The following ZNF66 variants were observed in gnomAD, a reference collection of about 807,000 sequenced individuals.
The protein encoded by ZNF66 is putative zinc finger protein 66.
ZNF66 carries 32 observed loss-of-function variants against 35.2 expected under a neutral mutation model. That is an observed-to-expected ratio of 0.91 (90% confidence interval 0.69 to 1.22). ZNF66 has a LOEUF of 1.22. ZNF66 is among the 50% of genes most tolerant of loss of function. The pLI is 0.00. For missense variants in ZNF66, 666 were observed against 543.1 expected (o/e 1.23, Z -2.25); for synonymous variants, 231 against 181.3 (o/e 1.27, Z -2.20).
rs12461983 is a variant in ZNF66, at chr19:20,805,902, G to A, written c.302G>A (p.Arg101Lys). The A allele has an allele frequency of 0.047, 31,147 of 663,820 alleles. 1,374 individuals carry two copies. The highest frequency in any genetic ancestry group is 0.14 in the East Asian group (5,694 of 39,590). The allele number at this position is 663,820 out of a possible 1,614,324, so 41.1% of individuals were successfully genotyped here. The change falls in exon 4 of 4, where the codon AGA (arginine) becomes AAA (lysine). Residue 101 changes from arginine (R) to lysine (K), a missense_variant. Coordinates refer to ENST00000344519, the MANE Select transcript of ZNF66 (RefSeq NM_001355197.2). ...IKDSFQKLIL[R>K]RHKKCGHDNL... ...GATTCTTTCCAAAAACTGATACTGAGAAGGCATAAAAAATGTGGACATGAT... is the reference window on the plus strand; with the variant it reads ...GATTCTTTCCAAAAACTGATACTGAAAAGGCATAAAAAATGTGGACATGAT...
At chr19:20,783,704 C>T (rs1274037585) in intron 1 of ZNF66, among the ~76,000 whole-genome samples, 3 of 152,164 alleles carry the variant, frequency 2.0e-5, no homozygotes, top group African/African-American at 7.2e-5. Context: ...TATTTGCAGG[C>T]TGAAGTACTA....
At chr19:20,796,223 C>CT (rs969770823) in intron 3 of ZNF66, among the ~76,000 whole-genome samples, 39 of 141,708 alleles carry the variant, frequency 2.8e-4, no homozygotes, top group East Asian at 1.8e-3. Flanking sequence ...AGATGGCTGA[C>CT]TTTTTTTTTT....
chr19:20,776,352 T>G lies in ZNF66; in HGVS notation c.-96T>G. 2.2e-5 allele frequency: 33 copies of G among 1,491,948 alleles called. No individual in the cohort carries two copies. Among genetic ancestry groups the G allele is most frequent in the Non-Finnish European group, 3.1e-5 (33 of 1,071,704 alleles). The allele number at this position is 1,491,948 out of a possible 1,614,324, so 92.4% of individuals were successfully genotyped here. A position where few individuals can be genotyped will look rare whatever the true frequency, so the allele number is the denominator to read the frequency against. ...CAGGTCGTCTGTTCACTGCTCTCTG[T>G]CTTCTTCTCCTAGAGGCCCAGCCTC... On this transcript the variant is annotated 5_prime_UTR_variant, in exon 1 of 4. Coordinates refer to ENST00000344519, the MANE Select transcript of ZNF66 (RefSeq NM_001355197.2).
rs779966081 is a variant in ZNF66, at chr19:20,806,282, C to T, written c.682C>T (p.Arg228Trp). The change falls in exon 4 of 4, where the codon CGG becomes TGG. Residue 228 changes from arginine to tryptophan, a missense_variant. Arg to Trp is a moderately radical substitution (Grantham distance 101). Coordinates refer to ENST00000344519, the MANE Select transcript of ZNF66 (RefSeq NM_001355197.2). ...TAAGATAATTCATACTGGAGAGAAA[C>T]GGTACAAATGTGAAGACTGTGGCAA... is the stretch of plus-strand genomic sequence containing the variant. ...THKIIHTGEKRYKCEDCGKAF... is the reference protein window; with the variant it reads ...THKIIHTGEKWYKCEDCGKAF... 3.6e-5 allele frequency: 53 copies of T among 1,479,062 alleles called. No individual in the cohort carries two copies. The highest frequency in any genetic ancestry group is 4.3e-5 in the Non-Finnish European group (45 of 1,057,976). The allele number at this position is 1,479,062 out of a possible 1,614,324, so 91.6% of individuals were successfully genotyped here.
In ZNF66 at chr19:20,805,986, G is replaced by T. The variant is rs764610842; in HGVS notation, c.386G>T (p.Gly129Val). The T allele has an allele frequency of 1.2e-5, 9 of 780,042 alleles. No homozygotes were observed. Among genetic ancestry groups the T allele is most frequent in the Admixed American group, 2.1e-5 (1 of 47,780 alleles). The allele number at this position is 780,042 out of a possible 1,614,324, so 48.3% of individuals were successfully genotyped here. Residue 129 changes from glycine (G) to valine (V), a missense_variant, in exon 4 of 4, where the codon GGT becomes GTT. Transcript: ENST00000344519. ...SVDKCKVHKR[G>V]YNGLNQCLTT... ...GATAAGTGTAAAGTGCACAAAAGAG[G>T]TTATAATGGACTTAACCAATGTTTG...
chr19:20,783,387 T>C (rs1158197098), intron 1 of ZNF66, among the ~76,000 whole-genome samples: 2 of 152,246 alleles, frequency 1.3e-5, no homozygotes, highest in African/African-American at 2.4e-5. Context: ...GTAGATATTT[T>C]TCTCTGCTTT....
rs1487872545 is a variant in ZNF66 at position 20,808,547 on chromosome 19, C to T, written c.*1225C>T. On this transcript the variant is annotated 3_prime_UTR_variant, in exon 4 of 4. Coordinates refer to ENST00000344519, the MANE Select transcript of ZNF66 (RefSeq NM_001355197.2). The stretch of plus-strand genomic sequence containing the variant: ...AGCATTTGTGGTTCATGAAAATCCG[C>T]TGTTCTACAGCCACTGATGCTGATA... Among the ~76,000 whole-genome samples the T allele has an allele frequency of 6.6e-6, 1 of 152,190 alleles. No homozygotes were observed. Among genetic ancestry groups the T allele is most frequent in the Non-Finnish European group, 1.5e-5 (1 of 68,040 alleles).
intron 3 of ZNF66, among the ~76,000 whole-genome samples, chr19:20,804,301 T>G (rs2144916203): frequency 6.6e-6 from 1 of 152,236 alleles, no homozygotes; most frequent in East Asian, 1.9e-4. Context: ...TCAACTGGAG[T>G]GCAGTGGTGC....
At chr19:20,784,950 C>T (rs572733046) in intron 1 of ZNF66, 2 of 153,096 alleles carry the variant, frequency 1.3e-5, no homozygotes, top group Admixed American at 6.5e-5. Context: ...TACTAGTATC[C>T]CGTGGTGTCT....
chr19:20,800,807 ACT>A (rs1249788447), intron 3 of ZNF66, among the ~76,000 whole-genome samples: 1 of 151,916 alleles, frequency 6.6e-6, no homozygotes, highest in Non-Finnish European at 1.5e-5. Context: ...TAAATTATGC[ACT>A]CTCAAGTATT....
At chr19:20,802,261 A>G (rs79420249) in intron 3 of ZNF66, among the ~76,000 whole-genome samples, 2,210 of 152,304 alleles carry the variant, frequency 0.015, 70 homozygotes, top group African/African-American at 0.051. Context: ...CAAAAATGCA[A>G]TGAGACATTT....
chr19:20,779,820 C>T (rs777752119), intron 1 of ZNF66, among the ~76,000 whole-genome samples: 4 of 150,176 alleles, frequency 2.7e-5, no homozygotes, highest in Non-Finnish European at 3.0e-5. Context: ...CCCATCTACT[C>T]GGGAGGCTGA....
intron 3 of ZNF66, among the ~76,000 whole-genome samples, chr19:20,801,077 A>G (rs1052360190): frequency 1.3e-5 from 2 of 152,100 alleles, no homozygotes; most frequent in South Asian, 2.1e-4. Context: ...TCACTTTACC[A>G]TAATATAATA....
At chr19:20,798,185 T>C (rs191538387) in intron 3 of ZNF66, among the ~76,000 whole-genome samples, 1 of 152,308 alleles carries the variant, frequency 6.6e-6, no homozygotes, top group Non-Finnish European at 1.5e-5. Flanking sequence ...GAGAGAAACA[T>C]TTTTGTGATT....
chr19:20,803,321 T>TA (rs752066411), intron 3 of ZNF66, among the ~76,000 whole-genome samples: 9 of 151,452 alleles, frequency 5.9e-5, no homozygotes, highest in South Asian at 2.1e-4. Context: ...CTTTTTTTTT[T>TA]ATCTTTGTAT....
Position 20,806,122 on chromosome 19 carries a change from A to T in ZNF66, c.522A>T (p.Lys174Asn), listed in dbSNP as rs777707279. Residue 174 changes from lysine to asparagine, a missense_variant, in exon 4 of 4, where the codon AAA becomes AAT. Lys to Asn is a moderately conservative substitution (Grantham distance 94). Transcript: ENST00000344519. ...KIRHTGKNPC[K>N]FTECGKAFNR... is the part of the protein sequence containing the mutation. ...GACATACTGGAAAAAACCCTTGCAA[A>T]TTTACAGAATGTGGCAAAGCTTTTA... is the stretch of plus-strand genomic sequence containing the variant. 3.2e-5 allele frequency: 34 copies of T among 1,053,356 alleles called. No homozygotes were observed. Among genetic ancestry groups the T allele is most frequent in the Non-Finnish European group, 4.6e-5 (31 of 677,878 alleles). 65.3% of individuals were successfully genotyped at this position (1,053,356 alleles called of 1,614,324 possible). A position where few individuals can be genotyped will look rare whatever the true frequency, so the allele number is the denominator to read the frequency against.
chr19:20,793,332 C>CTTTTCTTTTTTTT (rs1555782697), intron 2 of ZNF66, among the ~76,000 whole-genome samples: 1 of 84,610 alleles, frequency 1.2e-5, no homozygotes, highest in East Asian at 3.8e-4. Context: ...CTTTTCTTTT[C>CTTTTCTTTTTTTT]TTTTTTTTTT....
intron 3 of ZNF66, among the ~76,000 whole-genome samples, chr19:20,796,871 G>T (rs1490060614): frequency 6.6e-6 from 1 of 151,856 alleles, no homozygotes; most frequent in Non-Finnish European, 1.5e-5. Flanking sequence ...TTTTTTTTGA[G>T]ATGGAGTCAC....
intron 1 of ZNF66, among the ~76,000 whole-genome samples, chr19:20,781,161 G>A (rs1226490342): frequency 4.6e-5 from 7 of 152,084 alleles, no homozygotes; most frequent in Admixed American, 3.9e-4. Context: ...GCTGCATTGG[G>A]ACCACTATCT....
Sources: allele counts gnomAD v4.1 joint callset (sites outside exome capture counted in the v4.1 genomes callset), GRCh38; gene constraint gnomAD v4.1.1; transcripts MANE v1.5; gene names NCBI Gene and HGNC (gene_info 2026-07-23, HGNC 2026-07-21).